ASXL1: variants seen among roughly 807,000 people sequenced by gnomAD.
The protein encoded by ASXL1 is polycomb group protein ASXL1.
In ASXL1, 65 loss-of-function variants were observed where a neutral mutation model predicts 89.1. The ratio of observed to expected loss-of-function variants is 0.73; its 90% CI spans 0.60 to 0.90. ASXL1 has a LOEUF of 0.90. ASXL1 is among the 40% of genes least tolerant of loss of function. The pLI is 0.00. For missense variants in ASXL1, 1,786 were observed against 1,942.9 expected (o/e 0.92, Z 1.52); for synonymous variants, 739 against 746.9 (o/e 0.99, Z 0.17).
chr20:32,370,577 C>T (rs987554600), intron 4 of ASXL1, among the ~76,000 whole-genome samples: 2 of 152,146 alleles, frequency 1.3e-5, no homozygotes, highest in Admixed American at 1.3e-4. Context: ...TTCGTTCTTC[C>T]ATAGTGGGTT....
In ASXL1 at chr20:32,437,184, A is replaced by G. The variant is rs985114051; in HGVS notation, c.4472A>G (p.Gln1491Arg). 3 of 1,613,658 alleles carry G rather than the reference A, an allele frequency of 1.9e-6. No individual in the cohort carries two copies. Among genetic ancestry groups the G allele is most frequent in the African/African-American group, 2.7e-5 (2 of 74,914 alleles). ...AGCCACAGTGCATCACTTTCCTTGCAAATGTTCACTGACAGCAGCACGGTG... is the reference window on the plus strand; with the variant it reads ...AGCCACAGTGCATCACTTTCCTTGCGAATGTTCACTGACAGCAGCACGGTG... ...GASHSASLSLQMFTDSSTVES... is the reference protein window; with the variant it reads ...GASHSASLSLRMFTDSSTVES... The change falls in exon 13 of 13, where the codon CAA becomes CGA. Residue 1491 changes from glutamine (Q) to arginine (R), a missense_variant. Coordinates refer to ENST00000375687, the MANE Select transcript of ASXL1 (RefSeq NM_015338.6).
At position 32,435,779 on chromosome 20, in the gene ASXL1, G is replaced by A. The variant is rs2145377266; in HGVS notation, c.3067G>A (p.Val1023Met). ...TGAGGCTGACACTAGAGAAGCTGCA[G>A]TGACAAAGGGATCTTCGGTGGACAA... ...SSEADTREAA[V>M]TKGSSVDKDE... is the part of the protein sequence containing the mutation. Residue 1023 changes from valine to methionine, a missense_variant, in exon 13 of 13, where the codon GTG (valine) becomes ATG (methionine). Around this residue, in one of 3 missense-constraint regions of ASXL1, gnomAD observed 1,418 missense variants for 1,427.8 expected, o/e 0.99. Coordinates refer to ENST00000375687, the MANE Select transcript of ASXL1 (RefSeq NM_015338.6). 6.2e-7 allele frequency: 1 copy of A among 1,614,250 alleles called. No homozygotes were observed. The highest frequency in any genetic ancestry group is 8.5e-7 in the Non-Finnish European group (1 of 1,180,050).
intron 1 of ASXL1, 120 bp downstream of exon 1, chr20:32,358,952 CT>C (rs1436456243): frequency 9.1e-7 from 1 of 1,102,138 alleles, no homozygotes; most frequent in Non-Finnish European, 1.2e-6. Flanking sequence ...GCGGGGCCAT[CT>C]TCCTTTAAGA....
intron 4 of ASXL1, among the ~76,000 whole-genome samples, chr20:32,389,438 T>C (rs35224062): frequency 4.7e-4 from 71 of 152,364 alleles, no homozygotes; most frequent in South Asian, 1.9e-3. Flanking sequence ...TCCTGATGCA[T>C]GTGTGCATTC....
rs1334771830 is a variant in ASXL1, at chr20:32,375,978, C to A, written c.252+6855C>A. Among the ~76,000 whole-genome samples, 3 of 152,084 alleles carry A rather than the reference C, an allele frequency of 2.0e-5. No homozygotes were observed. In the East Asian group the frequency reaches 5.8e-4, roughly 29 times the overall value. On this transcript the variant is annotated intron_variant, in intron 4 of 12. Coordinates refer to ENST00000375687, the MANE Select transcript of ASXL1 (RefSeq NM_015338.6). ...GATTTATAGGTGTGAGCCACCAGGC[C>A]TGGCAGTTAAGTACATTTTTTAAGG...
intron 10 of ASXL1, 91 bp from the exon 11 acceptor site, chr20:32,432,789 G>A (rs866556139): frequency 1.2e-5 from 18 of 1,459,566 alleles, no homozygotes; most frequent in Middle Eastern, 3.5e-4. Flanking sequence ...TAGAAGAGAC[G>A]TGTTGTTTTA....
intron 4 of ASXL1, among the ~76,000 whole-genome samples, chr20:32,382,590 A>G (rs1461045588): frequency 2.8e-5 from 4 of 143,382 alleles, no homozygotes; most frequent in African/African-American, 1.0e-4. Flanking sequence ...TGGGCAACAT[A>G]TGGAGACCTC....
At chr20:32,413,473 C>A (rs1479718039) in intron 4 of ASXL1, among the ~76,000 whole-genome samples, 2 of 152,130 alleles carry the variant, frequency 1.3e-5, no homozygotes, top group Non-Finnish European at 2.9e-5. Flanking sequence ...GGGTTACAAA[C>A]AAAAGATGAA....
At chr20:32,385,407 A>G (rs2048563141) in intron 4 of ASXL1, among the ~76,000 whole-genome samples, 1 of 152,224 alleles carries the variant, frequency 6.6e-6, no homozygotes, top group African/African-American at 2.4e-5. Context: ...GTACATCATG[A>G]GAGGAGTAGG....
intron 4 of ASXL1, chr20:32,372,529 A>G: frequency 2.2e-6 from 1 of 444,822 alleles, no homozygotes; most frequent in Non-Finnish European, 3.1e-6. Flanking sequence ...AGTTGCCTTC[A>G]ATAAATATAT....
chr20:32,390,953 C>T lies in ASXL1; in HGVS notation c.252+21830C>T, dbSNP rs146179396. Among the ~76,000 whole-genome samples the T allele has an allele frequency of 1.3e-4, 20 of 151,992 alleles. No homozygotes were observed. In the East Asian group the frequency reaches 2.5e-3, roughly 19 times the overall value. ...CTCTGTCACCCAGGCTGAAGTGCAG[C>T]GGCACGATCATAGTTCACTGCAGGC... On this transcript the variant is annotated intron_variant, in intron 4 of 12. Transcript: ENST00000375687.
At position 32,435,418 on chromosome 20, in the gene ASXL1, A is replaced by T. The variant is rs1600589347; in HGVS notation, c.2706A>T (p.Pro902=). 1 of 1,614,150 alleles carries T rather than the reference A, an allele frequency of 6.2e-7. No individual in the cohort carries two copies. Among genetic ancestry groups the T allele is most frequent in the Non-Finnish European group, 8.5e-7 (1 of 1,180,016 alleles). The change falls in exon 13 of 13, where the codon CCA becomes CCT. Residue 902 remains proline, a synonymous_variant. Coordinates refer to ENST00000375687, the MANE Select transcript of ASXL1 (RefSeq NM_015338.6). The part of the protein sequence containing the change: ...SNSSLHWIPI[P]SNDEVVKQPK... ...GTTCTTTGCATTGGATACCCATCCC[A>T]TCGAATGATGAGGTAGTGAAACAGC...
intron 4 of ASXL1, among the ~76,000 whole-genome samples, chr20:32,411,389 G>A (rs1291338041): frequency 1.3e-5 from 2 of 150,424 alleles, no homozygotes; most frequent in East Asian, 3.9e-4. Flanking sequence ...CACCATGCCC[G>A]GCTAATTTTT....
At chr20:32,418,925 C>G (rs968423555) in intron 4 of ASXL1, among the ~76,000 whole-genome samples, 3 of 137,168 alleles carry the variant, frequency 2.2e-5, no homozygotes, top group Admixed American at 8.6e-5. Flanking sequence ...CTCCGCCTCC[C>G]AGCTTCAAGC....
chr20:32,386,027 T>A (rs2048573422), intron 4 of ASXL1, among the ~76,000 whole-genome samples: 1 of 152,236 alleles, frequency 6.6e-6, no homozygotes, highest in South Asian at 2.1e-4. Context: ...TTCATTTATC[T>A]CTAAATTGGA....
chr20:32,413,809 A>G (rs1455485534), intron 4 of ASXL1, among the ~76,000 whole-genome samples: 1 of 152,146 alleles, frequency 6.6e-6, no homozygotes, highest in Non-Finnish European at 1.5e-5. Flanking sequence ...CCTTTCCTAG[A>G]TCTCACACAA....
chr20:32,379,698 C>T (rs2048454130), intron 4 of ASXL1, among the ~76,000 whole-genome samples: 1 of 151,410 alleles, frequency 6.6e-6, no homozygotes, highest in East Asian at 2.0e-4. Flanking sequence ...TACAGGCGGG[C>T]ACCTGTAATC....
In ASXL1 at chr20:32,433,663, C is replaced by G. The variant is rs142172134; in HGVS notation, c.1465C>G (p.Arg489Gly). The G allele has an allele frequency of 1.9e-4, 314 of 1,611,238 alleles. 1 individual carries two copies. In the African/African-American group the frequency reaches 3.5e-3, roughly 18 times the overall value. ...PEFPVESVAS[R>G]IQAEPDNLAR... ...ATTCCCAGTTGAGTCTGTGGCTTCTCGGATCCAGGCTGAGCCAGACAACTT... is the reference window on the plus strand; with the variant it reads ...ATTCCCAGTTGAGTCTGTGGCTTCTGGGATCCAGGCTGAGCCAGACAACTT... Residue 489 changes from arginine (R) to glycine (G), a missense_variant, in exon 12 of 13, where the codon CGG (arginine) becomes GGG (glycine). This residue lies in a region of ASXL1 where 1,418 missense variants were observed against 1,427.8 expected (regional missense o/e 0.99). Coordinates refer to ENST00000375687, the MANE Select transcript of ASXL1 (RefSeq NM_015338.6).
intron 2 of ASXL1, among the ~76,000 whole-genome samples, chr20:32,366,831 A>G (rs1250681176): frequency 6.6e-6 from 1 of 152,158 alleles, no homozygotes; most frequent in Admixed American, 6.5e-5. Context: ...ATGCCGTATC[A>G]CTGAAGTTCT....
Sources: allele counts gnomAD v4.1 joint callset (sites outside exome capture counted in the v4.1 genomes callset), GRCh38; gene constraint gnomAD v4.1.1; regional missense constraint gnomAD v4.1.1; transcripts MANE v1.5; gene names NCBI Gene and HGNC (gene_info 2026-07-23, HGNC 2026-07-21).